NOS1: variants seen among roughly 807,000 people sequenced by gnomAD.
The protein encoded by NOS1 is NOS type I.
In NOS1, 51 loss-of-function variants were observed where a neutral mutation model predicts 164.5. That is an observed-to-expected ratio of 0.31 (90% confidence interval 0.25 to 0.39). The LOEUF (loss-of-function observed/expected upper bound fraction) is 0.39. Ranked by LOEUF, NOS1 falls within the 10% of genes least tolerant of loss-of-function variation. The probability of loss-of-function intolerance (pLI) is 1.00; values close to 1 mark genes in which losing one functional copy is unlikely to be tolerated. For missense variants in NOS1, 1,362 were observed against 1,885.6 expected, an observed-to-expected ratio of 0.72 and a Z score of 5.14; for synonymous variants, 719 against 745.8, an observed-to-expected ratio of 0.96 and a Z score of 0.59.
At chr12:117,316,544 T>A (rs1874678831) in intron 2 of NOS1, among the ~76,000 whole-genome samples, 2 of 152,196 alleles carry the variant, frequency 1.3e-5, no homozygotes, top group Non-Finnish European at 2.9e-5. Flanking sequence ...AGATCATGCA[T>A]GTAAAATGCC....
At chr12:117,337,117 T>A (rs1284038580) in intron 1 of NOS1, among the ~76,000 whole-genome samples, 3 of 103,360 alleles carry the variant, frequency 2.9e-5, no homozygotes, top group Non-Finnish European at 6.3e-5. Flanking sequence ...TTTTTTTTTT[T>A]TTTTTTTTTT....
chr12:117,218,085 G>A lies in NOS1; in HGVS notation c.4250C>T (p.Ser1417Phe). 9.3e-6 allele frequency: 15 copies of A among 1,614,132 alleles called. No individual in the cohort carries two copies. The highest frequency in any genetic ancestry group is 1.2e-5 in the Non-Finnish European group (14 of 1,179,992). Residue 1417 changes from serine to phenylalanine, a missense_variant, in exon 28 of 29, where the codon TCC becomes TTC. Physicochemically the swap from Ser to Phe is radical, Grantham distance 155. Coordinates refer to ENST00000317775, the MANE Select transcript of NOS1 (RefSeq NM_000620.5). ...YEVTNRLRSE[S>F]IAFIEESKKD... ...TTTGCTCTCTTCAATGAAGGCAATGGACTCAGATCTAAGGCGGTTGGTCAC... is the reference window on the plus strand; with the variant it reads ...TTTGCTCTCTTCAATGAAGGCAATGAACTCAGATCTAAGGCGGTTGGTCAC...
At chr12:117,329,940 C>T (rs77116036) in intron 2 of NOS1, among the ~76,000 whole-genome samples, 23 of 152,288 alleles carry the variant, frequency 1.5e-4, no homozygotes, top group South Asian at 4.1e-4. Context: ...CAGGGTGCCA[C>T]GCACACACGC....
chr12:117,235,560 C>T (rs903526486), intron 20 of NOS1, among the ~76,000 whole-genome samples: 1 of 152,118 alleles, frequency 6.6e-6, no homozygotes, highest in Non-Finnish European at 1.5e-5. Context: ...TGGGTTCCTC[C>T]TATGCATAAA....
In NOS1 at chr12:117,211,969, G is replaced by T; in HGVS notation, c.*3340C>A. 3.1e-6 allele frequency: 2 copies of T among 652,816 alleles called. No individual in the cohort carries two copies. The highest frequency in any genetic ancestry group is 8.0e-4 in the Middle Eastern group (1 of 1,252). The allele number at this position is 652,816 out of a possible 1,614,324, so 40.4% of individuals were successfully genotyped here. A position where few individuals can be genotyped will look rare whatever the true frequency, so the allele number is the denominator to read the frequency against. The stretch of plus-strand genomic sequence containing the variant: ...AGTCCCAGTTACTCAGGAGGCCGAG[G>T]CAGAAGAATCACTTGAACTGGGGGA... On this transcript the variant is annotated 3_prime_UTR_variant, in exon 29 of 29. Coordinates refer to ENST00000317775, the MANE Select transcript of NOS1 (RefSeq NM_000620.5).
chr12:117,289,308 T>C (rs559506340), intron 4 of NOS1, among the ~76,000 whole-genome samples: 2 of 152,306 alleles, frequency 1.3e-5, no homozygotes, highest in African/African-American at 4.8e-5. Context: ...GGTTCACAAA[T>C]AAAAAGCATT....
At chr12:117,299,621 TG>T (rs1169930572) in intron 3 of NOS1, among the ~76,000 whole-genome samples, 2 of 134,844 alleles carry the variant, frequency 1.5e-5, no homozygotes, top group African/African-American at 2.9e-5. Context: ...CCTGGGCGAC[TG>T]AGACTTTGTC....
At chr12:117,249,373 A>G (rs1870911173) in intron 17 of NOS1, among the ~76,000 whole-genome samples, 1 of 152,202 alleles carries the variant, frequency 6.6e-6, no homozygotes, top group South Asian at 2.1e-4. Flanking sequence ...AGTTAGGGAC[A>G]GCAATGACCT....
At chr12:117,253,599 G>T in intron 17 of NOS1, 39 bp downstream of exon 17, 2 of 1,425,416 alleles carry the variant, frequency 1.4e-6, no homozygotes, top group Non-Finnish European at 2.0e-6. Flanking sequence ...AGGAGCCTTA[G>T]TCTTCCCTGA....
At chr12:117,319,873 C>T (rs1383665564) in intron 2 of NOS1, among the ~76,000 whole-genome samples, 1 of 151,696 alleles carries the variant, frequency 6.6e-6, no homozygotes, top group Non-Finnish European at 1.5e-5. Context: ...CACTGGCCCT[C>T]ACAAGGAACC....
intron 17 of NOS1, among the ~76,000 whole-genome samples, chr12:117,252,902 C>T (rs1053082650): frequency 3.3e-5 from 5 of 152,212 alleles, no homozygotes; most frequent in Non-Finnish European, 7.3e-5. Context: ...GGGCAACTCA[C>T]ATCAGTCTTG....
intron 19 of NOS1, 113 bp from the exon 20 acceptor site, chr12:117,242,818 A>C: frequency 1.2e-6 from 1 of 868,722 alleles, no homozygotes; most frequent in Middle Eastern, 2.8e-4. Context: ...TAGGAGGCTG[A>C]GGTGGGAGGA....
At chr12:117,291,195 C>G (rs913134078) in intron 3 of NOS1, among the ~76,000 whole-genome samples, 1 of 152,252 alleles carries the variant, frequency 6.6e-6, no homozygotes, top group Non-Finnish European at 1.5e-5. Context: ...GCCTGGGAGA[C>G]AGAAGGAGCC....
rs569984403 is a variant in NOS1 at position 117,225,830 on chromosome 12, T to C, written c.3705-693A>G. ...TTTTAGTAGAGATGGGGTTTCGCCA[T>C]GTTGGCCAGGCTGGTCTCGAACTCC... On this transcript the variant is annotated intron_variant, in intron 24 of 28. Coordinates refer to ENST00000317775, the MANE Select transcript of NOS1 (RefSeq NM_000620.5). 2.0e-5 allele frequency among the ~76,000 whole-genome samples: 3 copies of C among 152,274 alleles called. No homozygotes were observed. In the East Asian group the frequency reaches 5.8e-4, roughly 29 times the overall value.
chr12:117,282,506 C>T (rs533632266), intron 7 of NOS1, among the ~76,000 whole-genome samples: 4 of 152,318 alleles, frequency 2.6e-5, no homozygotes, highest in African/African-American at 7.2e-5. Flanking sequence ...AATCTGCTTC[C>T]TCCATACAGC....
At position 117,335,729 on chromosome 12, in the gene NOS1, T is replaced by TGGGAGA. The variant is rs368456314; in HGVS notation, c.-420-4241_-420-4240insTCTCCC. Among the ~76,000 whole-genome samples, 18 of 112,602 alleles carry TGGGAGA rather than the reference T, an allele frequency of 1.6e-4. 1 individual carries two copies. Among genetic ancestry groups the TGGGAGA allele is most frequent in the African/African-American group, 6.1e-4 (17 of 28,032 alleles). The allele number at this position is 112,602 out of a possible 152,430, so 73.9% of individuals were successfully genotyped here. On this transcript the variant is annotated intron_variant, in intron 1 of 28. Coordinates refer to ENST00000317775, the MANE Select transcript of NOS1 (RefSeq NM_000620.5). Reference sequence around the variant, plus strand: ...TTTTATTTAATTGTTACAGACTATATGAGAGAGAGAGAGAGAGAGAGAGAG... The same window carrying TGGGAGA: ...TTTTATTTAATTGTTACAGACTATATGGGAGAGAGAGAGAGAGAGAGAGAGAGAGAG...
chr12:117,321,540 C>T (rs893037361), intron 2 of NOS1, among the ~76,000 whole-genome samples: 1 of 152,234 alleles, frequency 6.6e-6, no homozygotes, highest in East Asian at 1.9e-4. Flanking sequence ...GGCAAGACGG[C>T]AGGGACACAG....
chr12:117,302,148 A>G, intron 3 of NOS1: 2 of 455,676 alleles, frequency 4.4e-6, no homozygotes, highest in Non-Finnish European at 8.8e-6. Flanking sequence ...TAAAGTGCTT[A>G]GCACAGTACC....
chr12:117,351,944 G>A (rs540234319), intron 1 of NOS1, among the ~76,000 whole-genome samples: 4 of 152,176 alleles, frequency 2.6e-5, no homozygotes, highest in Non-Finnish European at 5.9e-5. Context: ...ATTTTGGGAG[G>A]CCCAGGTGGG....
Sources: gnomAD v4.1 joint callset for allele counts (sites outside exome capture counted in the v4.1 genomes callset) on GRCh38, gnomAD v4.1.1 for gene constraint, MANE v1.5 for transcripts, NCBI Gene and HGNC (gene_info 2026-07-23, HGNC 2026-07-21) for gene names.